The following NBPF26 variants were observed in gnomAD, a reference collection of about 807,000 sequenced individuals.
The protein encoded by NBPF26 is NBPF member 26.
In NBPF26, 79 loss-of-function variants were observed where a neutral mutation model predicts 119.6. The ratio of observed to expected loss-of-function variants is 0.66; its 90% CI spans 0.55 to 0.80. The LOEUF is 0.80. Ranked by LOEUF, NBPF26 falls within the 30% of genes least tolerant of loss-of-function variation. The pLI, the probability that NBPF26 is intolerant of heterozygous loss-of-function variation, is 0.00. For synonymous variants in NBPF26, 299 were observed against 457.7 expected (o/e 0.65, Z 4.43); for missense variants, 800 against 1,198.2 (o/e 0.67, Z 4.91).
At position 120,768,264 on chromosome 1, in the gene NBPF26, C is replaced by A. The variant is rs1436036376; in HGVS notation, c.155+4555C>A. ...TGGAAAGTGTGAGGGGCCTACCAAG[C>A]CCTGAGGTGTTCATTAAGCCCCTCT... On this transcript the variant is annotated intron_variant, in intron 2 of 29. Coordinates refer to ENST00000620612, the Ensembl canonical transcript of NBPF26. Among the ~76,000 whole-genome samples the A allele has an allele frequency of 3.6e-5, 4 of 111,636 alleles. 1 individual carries two copies. The highest frequency in any genetic ancestry group is 1.7e-5 in the Non-Finnish European group (1 of 59,282). 73.2% of individuals were successfully genotyped at this position (111,636 alleles called of 152,430 possible). A position where few individuals can be genotyped will look rare whatever the true frequency, so the allele number is the denominator to read the frequency against.
chr1:120,802,723 T>C (rs1211293652), intron 4 of NBPF26, among the ~76,000 whole-genome samples: 3 of 119,194 alleles, frequency 2.5e-5, no homozygotes, highest in Non-Finnish European at 4.9e-5. Flanking sequence ...ATAAACCTAT[T>C]CTAGCCACCT....
At chr1:120,811,936 G>C in exon 10 of NBPF26, 2 of 1,166,316 alleles carry the variant, frequency 1.7e-6, no homozygotes, top group Non-Finnish European at 2.4e-6. Context: ...GGTATCAGCC[G>C]GCCCTTTGTC....
chr1:120,814,378 C>T (rs1651955432), intron 11 of NBPF26, among the ~76,000 whole-genome samples: 1 of 110,898 alleles, frequency 9.0e-6, no homozygotes, highest in East Asian at 2.1e-4. Context: ...TTCACTCAAT[C>T]AATGTTGCCT....
downstream of NBPF26, chr1:120,840,773 G>A (rs1553273639): frequency 3.3e-6 from 3 of 912,322 alleles, no homozygotes; most frequent in East Asian, 2.5e-5. Context: ...GAAGACAATG[G>A]ACCCACGTTA....
At position 120,742,314 on chromosome 1, in the gene NBPF26, T is replaced by C. The variant is rs1356071663; in HGVS notation, c.73+18064T>C. Reference sequence around the variant, plus strand: ...TGATTTAACTCTGTGTGTGTGTGCGTGTGTGTGTGTGTGTGTGTGTGTGTG... The same window carrying C: ...TGATTTAACTCTGTGTGTGTGTGCGCGTGTGTGTGTGTGTGTGTGTGTGTG... On this transcript the variant is annotated intron_variant, in intron 1 of 29. Coordinates refer to ENST00000620612, the Ensembl canonical transcript of NBPF26. Among the ~76,000 whole-genome samples the C allele has an allele frequency of 2.3e-4, 7 of 31,022 alleles. 2 individuals carry two copies. In the Middle Eastern group the frequency reaches 0.079, roughly 350 times the overall value. The allele number at this position is 31,022 out of a possible 152,430, so 20.4% of individuals were successfully genotyped here.
At position 120,769,586 on chromosome 1, in the gene NBPF26, G is replaced by A. The variant is rs1188216724; in HGVS notation, c.155+5877G>A. Among the ~76,000 whole-genome samples, 2 of 121,506 alleles carry A rather than the reference G, an allele frequency of 1.6e-5. 1 individual carries two copies. The highest frequency in any genetic ancestry group is 8.4e-5 in the African/African-American group (2 of 23,860). The allele number at this position is 121,506 out of a possible 152,430, so 79.7% of individuals were successfully genotyped here. A position where few individuals can be genotyped will look rare whatever the true frequency, so the allele number is the denominator to read the frequency against. On this transcript the variant is annotated intron_variant, in intron 2 of 29. Transcript: ENST00000620612. Reference sequence around the variant, plus strand: ...TAAAACAAAGAATGCTGTTTTTTTGGCTCATTAAATACCTCTCATAGAGTA... The same window carrying A: ...TAAAACAAAGAATGCTGTTTTTTTGACTCATTAAATACCTCTCATAGAGTA...
At chr1:120,724,672 G>C (rs1650797658) in intron 1 of NBPF26, among the ~76,000 whole-genome samples, 1 of 124,230 alleles carries the variant, frequency 8.0e-6, no homozygotes, top group South Asian at 2.4e-4. Flanking sequence ...GAGAGCGGGG[G>C]CAGGGCCGCC....
chr1:120,820,473 TATATATATATATATATAC>T (rs1652109715), intron 15 of NBPF26, among the ~76,000 whole-genome samples: 1 of 26,642 alleles, frequency 3.8e-5, no homozygotes, highest in Non-Finnish European at 9.0e-5. Context: ...TATATATATA[TATATATATATATATATAC>T]ATACACACAA....
chr1:120,750,872 G>GTAAC (rs1651015619), intron 1 of NBPF26, among the ~76,000 whole-genome samples: 1 of 96,566 alleles, frequency 1.0e-5, no homozygotes, highest in Admixed American at 1.0e-4. Context: ...ACTTTATGTG[G>GTAAC]TAACATATAT....
rs1651739313 is a variant in NBPF26, at chr1:120,807,774, G to GGT, written c.1064+67_1064+68dup. ...GTAAATCTCTGAAGTACAGCAGCTC[G>GGT]GTGGGGAGACGTAAGAGCTAAGCTG... On this transcript the variant is annotated intron_variant, in intron 6 of 29. Coordinates refer to ENST00000620612, the Ensembl canonical transcript of NBPF26. The GGT allele has an allele frequency of 4.4e-6, 3 of 674,218 alleles. 1 individual carries two copies. Among genetic ancestry groups the GGT allele is most frequent in the Non-Finnish European group, 7.3e-6 (3 of 410,112 alleles). 41.8% of individuals were successfully genotyped at this position (674,218 alleles called of 1,614,324 possible).
intron 1 of NBPF26, among the ~76,000 whole-genome samples, chr1:120,730,586 T>C (rs1650865073): frequency 1.7e-5 from 2 of 114,450 alleles, no homozygotes; most frequent in African/African-American, 1.1e-4. Flanking sequence ...ATCTGTTTTT[T>C]CTCCTGTCTC....
At chr1:120,809,838 T>C (rs1553270723) in exon 8 of NBPF26, 3 of 1,503,656 alleles carry the variant, frequency 2.0e-6, no homozygotes. Flanking sequence ...GATGAAGATG[T>C]TCAAGTTGAG....
rs1651648270 is a variant in NBPF26, at chr1:120,805,080, G to T, written c.752-476G>T. On this transcript the variant is annotated intron_variant, in intron 4 of 29. Transcript: ENST00000620612. The stretch of plus-strand genomic sequence containing the variant: ...GTACAGACAAGAGATAAACAGTGAG[G>T]AATATGCTTAGATGTATTGGGAAAG... Among the ~76,000 whole-genome samples the T allele has an allele frequency of 1.6e-5, 2 of 123,202 alleles. 1 individual carries two copies. The highest frequency in any genetic ancestry group is 3.3e-5 in the Non-Finnish European group (2 of 61,150). The allele number at this position is 123,202 out of a possible 152,430, so 80.8% of individuals were successfully genotyped here. A position where few individuals can be genotyped will look rare whatever the true frequency, so the allele number is the denominator to read the frequency against.
At chr1:120,813,686 G>T (rs1218857800) in intron 10 of NBPF26, among the ~76,000 whole-genome samples, 3 of 129,016 alleles carry the variant, frequency 2.3e-5, no homozygotes. Flanking sequence ...TGCCCTTGAG[G>T]TTCTCTTTCT....
rs1477866867 is a variant in NBPF26, at chr1:120,743,896, G to A, written c.73+19646G>A. ...GAGTGGTTGTTTCAGAGAGTTTGCA[G>A]CAATTAGGCTTTATTGGTGCACTAA... On this transcript the variant is annotated intron_variant, in intron 1 of 29. Transcript: ENST00000620612. Among the ~76,000 whole-genome samples, 2 of 113,066 alleles carry A rather than the reference G, an allele frequency of 1.8e-5. 1 individual carries two copies. The highest frequency in any genetic ancestry group is 3.5e-5 in the Non-Finnish European group (2 of 56,496). 74.2% of individuals were successfully genotyped at this position (113,066 alleles called of 152,430 possible).
At position 120,823,754 on chromosome 1, in the gene NBPF26, G is replaced by GTGTC. The variant is rs1553272349; in HGVS notation, c.2640-217_2640-216insCTGT. On this transcript the variant is annotated intron_variant, in intron 17 of 29. Transcript: ENST00000620612. ...CTGACCAATTCACTGAGCTCGCTCTGTGTGTGTGTGTGTGTGTGTGTGTGT... is the reference window on the plus strand; with the variant it reads ...CTGACCAATTCACTGAGCTCGCTCTGTGTCTGTGTGTGTGTGTGTGTGTGTGTGT... 9.6e-5 allele frequency among the ~76,000 whole-genome samples: 7 copies of GTGTC among 72,740 alleles called. 1 individual carries two copies. The highest frequency in any genetic ancestry group is 5.0e-4 in the African/African-American group (7 of 13,874). The allele number at this position is 72,740 out of a possible 152,430, so 47.7% of individuals were successfully genotyped here. A position where few individuals can be genotyped will look rare whatever the true frequency, so the allele number is the denominator to read the frequency against.
Position 120,760,256 on chromosome 1 carries a change from C to T in NBPF26, c.74-3372C>T, listed in dbSNP as rs1459620400. ...AGGCTGGAGTACAGTGGAGCAATCT[C>T]GGCTCACTGCAACCTCCGCCCCCCA... On this transcript the variant is annotated intron_variant, in intron 1 of 29. Transcript: ENST00000620612. Among the ~76,000 whole-genome samples, 10 of 73,650 alleles carry T rather than the reference C, an allele frequency of 1.4e-4. 3 individuals are homozygous for T. Among genetic ancestry groups the T allele is most frequent in the Non-Finnish European group, 2.3e-4 (10 of 44,046 alleles). 48.3% of individuals were successfully genotyped at this position (73,650 alleles called of 152,430 possible).
At chr1:120,728,955 C>T (rs1365271050) in intron 1 of NBPF26, among the ~76,000 whole-genome samples, 1 of 114,008 alleles carries the variant, frequency 8.8e-6, no homozygotes, top group Admixed American at 8.4e-5. Context: ...AGGGCCAGGT[C>T]TGTGCTACAC....
chr1:120,781,888 C>T lies in NBPF26; in HGVS notation c.156-3086C>T, dbSNP rs1446981539. ...GTAAAATCTTAATCTTTCTAAGCTT[C>T]GAGTTCCTCATATATAAAATGGAGA... On this transcript the variant is annotated intron_variant, in intron 2 of 29. Transcript: ENST00000620612. Among the ~76,000 whole-genome samples, 34 of 114,000 alleles carry T rather than the reference C, an allele frequency of 3.0e-4. 6 individuals are homozygous for T. The highest frequency in any genetic ancestry group is 3.8e-3 in the Middle Eastern group (1 of 260). The allele number at this position is 114,000 out of a possible 152,430, so 74.8% of individuals were successfully genotyped here. A position where few individuals can be genotyped will look rare whatever the true frequency, so the allele number is the denominator to read the frequency against.
Sources: allele counts gnomAD v4.1 joint callset (sites outside exome capture counted in the v4.1 genomes callset), GRCh38; gene constraint gnomAD v4.1.1; transcripts MANE v1.5; gene names NCBI Gene and HGNC (gene_info 2026-07-23, HGNC 2026-07-21).